The following MARCHF1 variants were observed in gnomAD, a reference collection of about 807,000 sequenced individuals.
The protein encoded by MARCHF1 is membrane associated ring-CH-type finger 1.
A neutral mutation model predicts 54.2 loss-of-function variants in MARCHF1; 40 were observed. The observed-to-expected ratio is 0.74, with a 90% CI of 0.57 to 0.96. MARCHF1 has a LOEUF of 0.96. Among genes scored for constraint, MARCHF1 ranks in the 40% least tolerant of loss-of-function variants. The pLI is 0.00. For synonymous variants in MARCHF1, 236 were observed against 236.3 expected, an observed-to-expected ratio of 1.00 and a Z score of 0.01; for missense variants, 586 against 656.5, an observed-to-expected ratio of 0.89 and a Z score of 1.17.
intron 2 of MARCHF1, among the ~76,000 whole-genome samples, chr4:164,076,189 AAAAC>A (rs1579513671): frequency 6.6e-6 from 1 of 151,750 alleles, no homozygotes; most frequent in African/African-American, 2.4e-5. Flanking sequence ...CCCATAAGAG[AAAAC>A]AAACAAATTG....
chr4:164,232,610 T>C (rs757255218), intron 1 of MARCHF1, among the ~76,000 whole-genome samples: 1 of 152,186 alleles, frequency 6.6e-6, no homozygotes, highest in East Asian at 1.9e-4. Context: ...TTGGTAATAA[T>C]GTATTTCACA....
intron 5 of MARCHF1, among the ~76,000 whole-genome samples, chr4:163,675,834 C>T (rs908125282): frequency 6.6e-6 from 1 of 152,086 alleles, no homozygotes; most frequent in African/African-American, 2.4e-5. Context: ...ACAGCTTTCA[C>T]CATGTTTAGT....
Position 164,357,119 on chromosome 4 carries a change from G to GA in MARCHF1, c.-323+26750dup, listed in dbSNP as rs56965170. On this transcript the variant is annotated intron_variant, in intron 1 of 9. Coordinates refer to ENST00000514618, the MANE Select transcript of MARCHF1 (RefSeq NM_001394959.1). The stretch of plus-strand genomic sequence containing the variant: ...CCCCTGAACTTAAGTTTTTTTTTAA[G>GA]AAAAAAAAAAATAAATAAAAATTTA... 6.3e-4 allele frequency among the ~76,000 whole-genome samples: 93 copies of GA among 147,808 alleles called. 2 individuals are homozygous for GA. In the East Asian group the frequency reaches 0.012, roughly 19 times the overall value.
intron 1 of MARCHF1, among the ~76,000 whole-genome samples, chr4:164,370,634 C>T (rs1414683820): frequency 2.0e-5 from 3 of 152,222 alleles, no homozygotes; most frequent in Non-Finnish European, 2.9e-5. Context: ...TATGGCTGGG[C>T]ACAGTGGCTC....
chr4:164,172,643 T>G (rs1359210565), intron 1 of MARCHF1, among the ~76,000 whole-genome samples: 1 of 152,210 alleles, frequency 6.6e-6, no homozygotes, highest in African/African-American at 2.4e-5. Context: ...TTTAAAAGAA[T>G]TATTTTTTTG....
intron 4 of MARCHF1, among the ~76,000 whole-genome samples, chr4:163,751,638 T>C (rs1214922580): frequency 6.6e-6 from 1 of 151,660 alleles, no homozygotes; most frequent in Non-Finnish European, 1.5e-5. Context: ...AATGAAAAAA[T>C]TATAAAAATG....
At chr4:164,265,769 C>T (rs1301758472) in intron 1 of MARCHF1, among the ~76,000 whole-genome samples, 1 of 151,942 alleles carries the variant, frequency 6.6e-6, no homozygotes, top group Non-Finnish European at 1.5e-5. Flanking sequence ...CAGAACCTGA[C>T]CTTTGTACCT....
intron 2 of MARCHF1, among the ~76,000 whole-genome samples, chr4:164,076,130 AT>A (rs1448480152): frequency 9.8e-6 from 1 of 101,906 alleles, no homozygotes; most frequent in Non-Finnish European, 2.0e-5. Context: ...CAAACAAATA[AT>A]TTTCTAACAA....
intron 1 of MARCHF1, among the ~76,000 whole-genome samples, chr4:164,178,723 A>T (rs1343395385): frequency 6.6e-6 from 1 of 152,108 alleles, no homozygotes; most frequent in Non-Finnish European, 1.5e-5. Flanking sequence ...AATGCAGCTT[A>T]ATGTCTAATA....
intron 1 of MARCHF1, among the ~76,000 whole-genome samples, chr4:164,304,979 A>C (rs1344234337): frequency 6.6e-6 from 1 of 152,178 alleles, no homozygotes; most frequent in African/African-American, 2.4e-5. Flanking sequence ...GAATGTTTTC[A>C]TCAAATAAAT....
chr4:164,323,897 C>T (rs1455977293), intron 1 of MARCHF1, among the ~76,000 whole-genome samples: 1 of 151,718 alleles, frequency 6.6e-6, no homozygotes, highest in African/African-American at 2.4e-5. Context: ...AGAGCAAATT[C>T]TGTCTAGCCT....
intron 5 of MARCHF1, among the ~76,000 whole-genome samples, chr4:163,636,352 T>G (rs1742323130): frequency 7.0e-6 from 1 of 143,212 alleles, no homozygotes; most frequent in Admixed American, 7.2e-5. Context: ...AACCCCATTG[T>G]CTCAGCCCAA....
chr4:164,235,497 G>C (rs1398829882), intron 1 of MARCHF1, among the ~76,000 whole-genome samples: 1 of 152,208 alleles, frequency 6.6e-6, no homozygotes, highest in African/African-American at 2.4e-5. Context: ...TTAAGTTCTA[G>C]TTTAATTTCT....
chr4:164,318,107 G>C (rs1212499519), intron 1 of MARCHF1, among the ~76,000 whole-genome samples: 1 of 151,990 alleles, frequency 6.6e-6, no homozygotes, highest in Non-Finnish European at 1.5e-5. Flanking sequence ...ATAAAAATGA[G>C]GAAAATAACA....
chr4:163,542,179 G>A (rs770839387), intron 9 of MARCHF1, among the ~76,000 whole-genome samples: 18 of 152,060 alleles, frequency 1.2e-4, no homozygotes, highest in Non-Finnish European at 2.2e-4. Context: ...GTTACTGTCT[G>A]GAATCCTGCA....
chr4:164,272,602 G>A (rs1255768829), intron 1 of MARCHF1, among the ~76,000 whole-genome samples: 1 of 151,878 alleles, frequency 6.6e-6, no homozygotes, highest in Non-Finnish European at 1.5e-5. Flanking sequence ...TCACATGTGA[G>A]AAAACTAGAA....
At chr4:164,037,360 C>T (rs1261655101) in intron 2 of MARCHF1, among the ~76,000 whole-genome samples, 1 of 152,000 alleles carries the variant, frequency 6.6e-6, no homozygotes, top group East Asian at 1.9e-4. Flanking sequence ...AAATCAATCC[C>T]TGATTACAAT....
At chr4:163,702,982 A>G (rs988179769) in intron 4 of MARCHF1, among the ~76,000 whole-genome samples, 4 of 152,208 alleles carry the variant, frequency 2.6e-5, no homozygotes, top group Non-Finnish European at 4.4e-5. Flanking sequence ...CTGCCTTGCA[A>G]TGAGAACTCT....
At chr4:164,072,470 A>C (rs1754888580) in intron 2 of MARCHF1, among the ~76,000 whole-genome samples, 1 of 152,064 alleles carries the variant, frequency 6.6e-6, no homozygotes, top group South Asian at 2.1e-4. Flanking sequence ...CTGAGGCGGG[A>C]GGATCACCTG....
Sources: allele counts gnomAD v4.1 joint callset (sites outside exome capture counted in the v4.1 genomes callset), GRCh38; gene constraint gnomAD v4.1.1; transcripts MANE v1.5; gene names NCBI Gene and HGNC (gene_info 2026-07-23, HGNC 2026-07-21).